Variants in CTNND2 observed in about 807,000 individuals in gnomAD.
CTNND2 encodes the protein catenin delta 2.
CTNND2 carries 22 observed loss-of-function variants against 144.4 expected under a neutral mutation model. The ratio of observed to expected loss-of-function variants is 0.15; its 90% CI spans 0.11 to 0.22. CTNND2 has a LOEUF of 0.22. Ranked by LOEUF, CTNND2 falls within the 10% of genes least tolerant of loss-of-function variation. The pLI, the probability that CTNND2 is intolerant of heterozygous loss-of-function variation, is 1.00. For missense variants in CTNND2, 1,353 were observed against 1,618.8 expected, an observed-to-expected ratio of 0.84 and a Z score of 2.82; for synonymous variants, 751 against 695.6, an observed-to-expected ratio of 1.08 and a Z score of -1.25.
At chr5:11,709,155 T>G (rs1163707847) in intron 2 of CTNND2, among the ~76,000 whole-genome samples, 2 of 152,208 alleles carry the variant, frequency 1.3e-5, no homozygotes, top group African/African-American at 2.4e-5. Flanking sequence ...GTCAGAGCTA[T>G]GCCTGTGACA....
At chr5:11,659,102 C>T (rs188946496) in intron 2 of CTNND2, among the ~76,000 whole-genome samples, 147 of 152,016 alleles carry the variant, frequency 9.7e-4, no homozygotes, top group South Asian at 3.7e-3. Context: ...ACAGATTCAA[C>T]CAACGGCAGA....
At chr5:11,022,658 A>C (rs1742384803) in intron 17 of CTNND2, 111 bp downstream of exon 17, 1 of 802,702 alleles carries the variant, frequency 1.2e-6, no homozygotes, top group African/African-American at 1.7e-5. Flanking sequence ...TGATTCTCAG[A>C]GACAAATGCT....
chr5:11,082,618 A>G, intron 16 of CTNND2, 78 bp downstream of exon 16: 3 of 1,528,406 alleles, frequency 2.0e-6, no homozygotes, highest in Non-Finnish European at 2.7e-6. Flanking sequence ...GGCTATGCAT[A>G]CGGGTTCAAC....
chr5:11,670,001 T>C (rs115452277), intron 2 of CTNND2, among the ~76,000 whole-genome samples: 2,951 of 152,296 alleles, frequency 0.019, 95 homozygotes, highest in African/African-American at 0.066. Flanking sequence ...CTTCATTTCA[T>C]TAATTGCTCA....
intron 16 of CTNND2, 126 bp from the exon 17 acceptor site, chr5:11,023,105 A>G: frequency 2.6e-6 from 2 of 764,162 alleles, no homozygotes; most frequent in Non-Finnish European, 4.4e-6. Flanking sequence ...TTTGTTTCCC[A>G]TCACTGAATG....
chr5:11,155,559 G>A (rs1296976088), intron 12 of CTNND2, among the ~76,000 whole-genome samples: 1 of 152,116 alleles, frequency 6.6e-6, no homozygotes, highest in African/African-American at 2.4e-5. Context: ...AGGGGTGGTG[G>A]GGAAGAGGTA....
At chr5:11,033,606 G>A (rs570372553) in intron 16 of CTNND2, among the ~76,000 whole-genome samples, 81 of 152,202 alleles carry the variant, frequency 5.3e-4, no homozygotes, top group African/African-American at 1.9e-3. Flanking sequence ...CAAGGTGGGC[G>A]AATCATGAGG....
intron 10 of CTNND2, among the ~76,000 whole-genome samples, chr5:11,216,358 A>AT (rs1739199244): frequency 6.6e-6 from 1 of 152,228 alleles, no homozygotes; most frequent in African/African-American, 2.4e-5. Flanking sequence ...AGAGTCTAAC[A>AT]TTAACTATCT....
chr5:11,198,773 C>A (rs565874535), intron 11 of CTNND2, among the ~76,000 whole-genome samples: 1 of 152,172 alleles, frequency 6.6e-6, no homozygotes, highest in African/African-American at 2.4e-5. Flanking sequence ...CCAAGTAACA[C>A]TGCACATTTT....
chr5:11,795,432 T>G (rs1200586655), intron 1 of CTNND2, among the ~76,000 whole-genome samples: 1 of 152,288 alleles, frequency 6.6e-6, no homozygotes, highest in East Asian at 1.9e-4. Flanking sequence ...GAGTTTTCAC[T>G]TTAGGGGACT....
At chr5:11,837,982 A>C (rs16901920) in intron 1 of CTNND2, among the ~76,000 whole-genome samples, 6,816 of 152,238 alleles carry the variant, frequency 0.045, 327 homozygotes, top group African/African-American at 0.12. Flanking sequence ...GACAAGCTCT[A>C]ATTACCTTCA....
rs1447839836 is a variant in CTNND2 at position 11,250,485 on chromosome 5, C to CTATATATA, written c.1629-13663_1629-13662insTATATATA. 7.4e-5 allele frequency among the ~76,000 whole-genome samples: 5 copies of CTATATATA among 67,838 alleles called. No homozygotes were observed. The South Asian group carries it at 1.6e-3, about 22-fold the overall frequency. 44.5% of individuals were successfully genotyped at this position (67,838 alleles called of 152,430 possible). On this transcript the variant is annotated intron_variant, in intron 9 of 21. Transcript: ENST00000304623. The stretch of plus-strand genomic sequence containing the variant: ...TCTCTCTCTCTCTCTCTCTCTCTCT[C>CTATATATA]TCTCTCTATATATATATATATATAT...
intron 7 of CTNND2, among the ~76,000 whole-genome samples, chr5:11,366,541 T>C (rs1003666125): frequency 6.6e-6 from 1 of 152,344 alleles, no homozygotes; most frequent in Non-Finnish European, 1.5e-5. Context: ...ATCTGTCAAA[T>C]GCCAACATCA....
At chr5:11,620,236 G>C (rs1404339064) in intron 2 of CTNND2, among the ~76,000 whole-genome samples, 2 of 152,098 alleles carry the variant, frequency 1.3e-5, no homozygotes, top group African/African-American at 4.8e-5. Flanking sequence ...GCTCCTGCCA[G>C]TGCTTGTGTA....
chr5:11,895,202 T>C (rs1737297421), intron 1 of CTNND2, among the ~76,000 whole-genome samples: 1 of 152,166 alleles, frequency 6.6e-6, no homozygotes, highest in Admixed American at 6.5e-5. Flanking sequence ...CACAAACACC[T>C]TGCCTTTTCA....
intron 6 of CTNND2, among the ~76,000 whole-genome samples, chr5:11,396,090 T>C (rs1379137750): frequency 1.3e-5 from 2 of 152,132 alleles, no homozygotes; most frequent in Non-Finnish European, 2.9e-5. Context: ...AGAGGAAGGG[T>C]TCCTGGAAGA....
intron 10 of CTNND2, among the ~76,000 whole-genome samples, chr5:11,230,277 T>G: frequency 6.8e-6 from 1 of 146,630 alleles, no homozygotes; most frequent in East Asian, 2.0e-4. Context: ...AGATGACGAG[T>G]TAGTGGGTGC....
At chr5:11,353,533 A>G (rs767868311) in intron 8 of CTNND2, among the ~76,000 whole-genome samples, 6 of 152,214 alleles carry the variant, frequency 3.9e-5, no homozygotes, top group African/African-American at 4.8e-5. Flanking sequence ...GGCTGGGTGC[A>G]GTGGCTCACG....
intron 1 of CTNND2, among the ~76,000 whole-genome samples, chr5:11,831,836 C>T (rs1390384024): frequency 6.6e-6 from 1 of 152,116 alleles, no homozygotes; most frequent in African/African-American, 2.4e-5. Context: ...AACCTCATAT[C>T]ACTTCCAAAA....
Sources: gnomAD v4.1 joint callset for allele counts (sites outside exome capture counted in the v4.1 genomes callset) on GRCh38, gnomAD v4.1.1 for gene constraint, MANE v1.5 for transcripts, NCBI Gene and HGNC (gene_info 2026-07-23, HGNC 2026-07-21) for gene names.